The following PYM1 variants were observed in gnomAD, a reference collection of about 807,000 sequenced individuals.
PYM1 encodes the protein PYM1 exon junction complex associated factor, also known as partner of Y14 and mago.
In PYM1, 7 loss-of-function variants were observed where a neutral mutation model predicts 20.7. The ratio of observed to expected loss-of-function variants is 0.34; its 90% CI spans 0.19 to 0.64. PYM1 has a LOEUF of 0.64. PYM1 is among the 30% of genes least tolerant of loss of function. The probability of loss-of-function intolerance (pLI) is 0.74; values close to 1 mark genes in which losing one functional copy is unlikely to be tolerated. For synonymous variants in PYM1, 100 were observed against 99.2 expected (o/e 1.01, Z -0.05); for missense variants, 194 against 250.0 (o/e 0.78, Z 1.51).
chr12:55,923,627 A>G (rs1883138203), intron 1 of PYM1, among the ~76,000 whole-genome samples: 1 of 152,166 alleles, frequency 6.6e-6, no homozygotes, highest in Non-Finnish European at 1.5e-5. Flanking sequence ...TAATATATCA[A>G]TATTGCTTCA....
At chr12:55,927,683 C>T in intron 1 of PYM1, 42 bp downstream of exon 1, 3 of 1,537,380 alleles carry the variant, frequency 2.0e-6, no homozygotes, top group South Asian at 1.2e-5. Context: ...CAGAGACCCG[C>T]GGGAGGGGCG....
At position 55,902,286 on chromosome 12, in the gene PYM1, G is replaced by C. The variant is rs544814758; in HGVS notation, c.201C>G (p.Ala67=). Residue 67 remains alanine, a synonymous_variant, in exon 3 of 3, where the codon GCC becomes GCG. Coordinates refer to ENST00000408946, the MANE Select transcript of PYM1 (RefSeq NM_032345.3). ...GCCTGGATGGGGTGACAGGAGCAGTGGCCTCAGGGCTTAGCCCTGGGGGCA... is the reference window on the plus strand; with the variant it reads ...GCCTGGATGGGGTGACAGGAGCAGTCGCCTCAGGGCTTAGCCCTGGGGGCA... The part of the protein sequence containing the change: ...PELPPGLSPE[A]TAPVTPSRPE... The C allele has an allele frequency of 1.5e-5, 24 of 1,614,148 alleles. No individual in the cohort carries two copies. In the African/African-American group the frequency reaches 2.3e-4, roughly 15 times the overall value.
intron 1 of PYM1, chr12:55,927,046 G>A: frequency 3.3e-6 from 5 of 1,498,218 alleles, no homozygotes; most frequent in Non-Finnish European, 4.5e-6. Context: ...AGAGCCCGGA[G>A]AGAAGCGGCT....
chr12:55,904,768 T>C (rs1476055624), intron 1 of PYM1, among the ~76,000 whole-genome samples: 1 of 151,520 alleles, frequency 6.6e-6, no homozygotes, highest in East Asian at 1.9e-4. Context: ...TCCCAGCTAC[T>C]GGGGAGGCCG....
At chr12:55,905,987 A>ATCTAATAGATATATATATTATT (rs1565714584) in intron 1 of PYM1, among the ~76,000 whole-genome samples, 54 of 124,454 alleles carry the variant, frequency 4.3e-4, no homozygotes, top group Non-Finnish European at 6.0e-4. Context: ...TATTATATAT[A>ATCTAATAGATATATATATTATT]ATATAAAATA....
At chr12:55,921,256 A>G (rs1883092972) in intron 1 of PYM1, among the ~76,000 whole-genome samples, 2 of 152,226 alleles carry the variant, frequency 1.3e-5, no homozygotes, top group African/African-American at 4.8e-5. Flanking sequence ...AATGTGTTGG[A>G]CACTTTTTAT....
intron 1 of PYM1, chr12:55,926,940 G>C: frequency 1.1e-6 from 1 of 915,036 alleles, no homozygotes; most frequent in Non-Finnish European, 1.6e-6. Context: ...CCGTAGGAGA[G>C]AATGAATGGG....
intron 1 of PYM1, among the ~76,000 whole-genome samples, chr12:55,921,214 T>A (rs1027493618): frequency 6.6e-6 from 1 of 152,228 alleles, no homozygotes; most frequent in Non-Finnish European, 1.5e-5. Context: ...ACCCATACAA[T>A]GACCCTTACA....
intron 1 of PYM1, among the ~76,000 whole-genome samples, chr12:55,907,634 G>GAAAA (rs112040261): frequency 3.2e-5 from 4 of 126,458 alleles, no homozygotes; most frequent in Non-Finnish European, 3.2e-5. Flanking sequence ...CTTCGTCTGG[G>GAAAA]AAAAAAAAAA....
intron 1 of PYM1, among the ~76,000 whole-genome samples, chr12:55,907,078 T>C (rs986605638): frequency 7.7e-6 from 1 of 129,848 alleles, no homozygotes; most frequent in Admixed American, 8.5e-5. Context: ...TATATATATA[T>C]GTTAAGAGAG....
Position 55,918,097 on chromosome 12 carries a change from T to C in PYM1, c.37+9628A>G, listed in dbSNP as rs1883038479. ...GTAACAAACCTACACATTTTCTTTT[T>C]TTTTTTTTTCTTTTTTTTGAGACGG... On this transcript the variant is annotated intron_variant, in intron 1 of 2. Coordinates refer to ENST00000408946, the MANE Select transcript of PYM1 (RefSeq NM_032345.3). 2.6e-5 allele frequency among the ~76,000 whole-genome samples: 4 copies of C among 152,024 alleles called. No individual in the cohort carries two copies. The South Asian group carries it at 8.3e-4, about 31-fold the overall frequency.
intron 1 of PYM1, among the ~76,000 whole-genome samples, chr12:55,915,518 C>T (rs1882990748): frequency 6.7e-6 from 1 of 148,398 alleles, no homozygotes; most frequent in African/African-American, 2.5e-5. Flanking sequence ...CAGATCATGC[C>T]ATTGCACTCC....
chr12:55,914,925 G>C (rs1240197543), intron 1 of PYM1, among the ~76,000 whole-genome samples: 1 of 152,060 alleles, frequency 6.6e-6, no homozygotes, highest in Non-Finnish European at 1.5e-5. Context: ...ATAAAGGTAG[G>C]TAGGTGATGG....
In PYM1 at chr12:55,901,821, C is replaced by CAG; in HGVS notation, c.*49_*50dup. 5 of 1,543,132 alleles carry CAG rather than the reference C, an allele frequency of 3.2e-6. No homozygotes were observed. Among genetic ancestry groups the CAG allele is most frequent in the Non-Finnish European group, 4.4e-6 (5 of 1,148,552 alleles). ...CTGTTGCCCGTATTCCCCCAGACCC[C>CAG]AGAGAGCCCCACGGTTTGTTCTGCA... is the stretch of plus-strand genomic sequence containing the variant. On this transcript the variant is annotated 3_prime_UTR_variant, in exon 3 of 3. Coordinates refer to ENST00000408946, the MANE Select transcript of PYM1 (RefSeq NM_032345.3).
At chr12:55,919,398 C>A (rs1883060020) in intron 1 of PYM1, among the ~76,000 whole-genome samples, 4 of 152,182 alleles carry the variant, frequency 2.6e-5, no homozygotes, top group Admixed American at 2.6e-4. Flanking sequence ...AAGCAATCCA[C>A]CCGCCTCAGC....
intron 1 of PYM1, among the ~76,000 whole-genome samples, chr12:55,924,448 G>A (rs1883155029): frequency 1.3e-5 from 2 of 151,994 alleles, no homozygotes; most frequent in South Asian, 2.1e-4. Flanking sequence ...TTCAAAACCA[G>A]CCTGGGCAAC....
At chr12:55,920,117 T>A (rs961392713) in intron 1 of PYM1, among the ~76,000 whole-genome samples, 7 of 151,290 alleles carry the variant, frequency 4.6e-5, no homozygotes, top group African/African-American at 1.7e-4. Context: ...GCAGGAGAAT[T>A]GCTTGACCCC....
At chr12:55,907,143 A>G (rs2136259321) in intron 1 of PYM1, among the ~76,000 whole-genome samples, 1 of 151,352 alleles carries the variant, frequency 6.6e-6, no homozygotes, top group African/African-American at 2.4e-5. Flanking sequence ...TCTTATTTTA[A>G]GTATTACTTT....
Position 55,917,193 on chromosome 12 carries a change from G to A in PYM1, c.37+10532C>T, listed in dbSNP as rs193011129. 3.9e-4 allele frequency among the ~76,000 whole-genome samples: 59 copies of A among 152,044 alleles called. 2 individuals are homozygous for A. The East Asian group carries it at 4.5e-3, about 12-fold the overall frequency. Reference sequence around the variant, plus strand: ...CCAGCACTTTGGGAGACCAAGACGGGTGGATCACCTGAGGTCAGGAGCTCG... The same window carrying A: ...CCAGCACTTTGGGAGACCAAGACGGATGGATCACCTGAGGTCAGGAGCTCG... On this transcript the variant is annotated intron_variant, in intron 1 of 2. Coordinates refer to ENST00000408946, the MANE Select transcript of PYM1 (RefSeq NM_032345.3).
Sources: gnomAD v4.1 joint callset for allele counts (sites outside exome capture counted in the v4.1 genomes callset) on GRCh38, gnomAD v4.1.1 for gene constraint, MANE v1.5 for transcripts, NCBI Gene and HGNC (gene_info 2026-07-23, HGNC 2026-07-21) for gene names.